TTF2: variants seen among roughly 807,000 people sequenced by gnomAD.
The protein encoded by TTF2 is RNA polymerase II termination factor.
Under a neutral mutation model 142.4 loss-of-function variants are expected in TTF2, and 108 were observed. That is an observed-to-expected ratio of 0.76 (90% CI 0.65 to 0.89). The LOEUF (loss-of-function observed/expected upper bound fraction) is 0.89. TTF2 is among the 40% of genes least tolerant of loss of function. TTF2 has a pLI of 0.00. For missense variants in TTF2, 1,327 were observed against 1,379.8 expected (o/e 0.96, Z 0.61); for synonymous variants, 483 against 506.2 (o/e 0.95, Z 0.61).
Position 117,073,571 on chromosome 1 carries a change from G to T in TTF2, c.219-90G>T, listed in dbSNP as rs537997203. The T allele has an allele frequency of 2.6e-4, 337 of 1,299,376 alleles. No homozygotes were observed. The African/African-American group carries it at 3.5e-3, about 13-fold the overall frequency. The allele number at this position is 1,299,376 out of a possible 1,614,324, so 80.5% of individuals were successfully genotyped here. A position where few individuals can be genotyped will look rare whatever the true frequency, so the allele number is the denominator to read the frequency against. On this transcript the variant is annotated intron_variant, in intron 3 of 22. Transcript: ENST00000369466. The surrounding 1 kb of genome is among the most constrained non-coding windows in gnomAD (Gnocchi z 4.4). ...CTCCCAAAGCCAGGTTCAAATAGTTGCAAGATGTTTTCTTGGATTAAAAAT... is the reference window on the plus strand; with the variant it reads ...CTCCCAAAGCCAGGTTCAAATAGTTTCAAGATGTTTTCTTGGATTAAAAAT...
chr1:117,075,416 G>A lies in TTF2; in HGVS notation c.832G>A (p.Gly278Arg). 1.2e-6 allele frequency: 2 copies of A among 1,614,146 alleles called. No homozygotes were observed. Among genetic ancestry groups the A allele is most frequent in the Non-Finnish European group, 8.5e-7 (1 of 1,179,988 alleles). ...SHNSISKPQK[G>R]GPLNKEYTNW... Reference sequence around the variant, plus strand: ...CAACTCAATAAGCAAGCCCCAGAAAGGGGGACCCCTCAACAAGGAGTACAC... The same window carrying A: ...CAACTCAATAAGCAAGCCCCAGAAAAGGGGACCCCTCAACAAGGAGTACAC... The change falls in exon 5 of 23, where the codon GGG becomes AGG. Residue 278 changes from glycine (G) to arginine (R), a missense_variant. Transcript: ENST00000369466. This position sits in a 1 kb window ranked among gnomAD's most constrained non-coding sequence, Gnocchi z 4.5.
intron 18 of TTF2, chr1:117,094,616 G>C (rs1422946408): frequency 2.1e-6 from 1 of 475,854 alleles, no homozygotes; most frequent in Admixed American, 2.3e-5. Flanking sequence ...AGTGGGTAAA[G>C]CTCTTTCACT....
In TTF2 at chr1:117,090,727, G is replaced by T; in HGVS notation, c.2588+104G>T. On this transcript the variant is annotated intron_variant, in intron 15 of 22. Coordinates refer to ENST00000369466, the MANE Select transcript of TTF2 (RefSeq NM_003594.4). The surrounding 1 kb of genome is among the most constrained non-coding windows in gnomAD (Gnocchi z 4.8). ...TTTCCACAAACTTTATGGCATTATT[G>T]ATTAGTTGGATGTCTGTATTCCCTT... 1.1e-6 allele frequency: 1 copy of T among 902,908 alleles called. No homozygotes were observed. The highest frequency in any genetic ancestry group is 2.6e-5 in the East Asian group (1 of 38,192). 55.9% of individuals were successfully genotyped at this position (902,908 alleles called of 1,614,324 possible).
In TTF2 at chr1:117,076,580, A is replaced by G. The variant is rs1377030476; in HGVS notation, c.1391-61A>G. On this transcript the variant is annotated intron_variant, in intron 6 of 22. Transcript: ENST00000369466. This position sits in a 1 kb window ranked among gnomAD's most constrained non-coding sequence, Gnocchi z 4.6. ...CTCTCTCTTGACCTCACCTCCACAC[A>G]TATGGTCCCTTCACTTAGTTTGCTG... The G allele has an allele frequency of 4.6e-6, 7 of 1,531,176 alleles. No homozygotes were observed. The highest frequency in any genetic ancestry group is 4.5e-5 in the East Asian group (2 of 44,308). 94.8% of individuals were successfully genotyped at this position (1,531,176 alleles called of 1,614,324 possible).
chr1:117,065,801 A>G (rs1656051209), intron 3 of TTF2, among the ~76,000 whole-genome samples: 3 of 151,904 alleles, frequency 2.0e-5, no homozygotes, highest in African/African-American at 7.3e-5. Flanking sequence ...ACTGATACTT[A>G]AAACCATTTA....
chr1:117,074,211 G>A (rs1415164287), intron 4 of TTF2, among the ~76,000 whole-genome samples: 3 of 152,158 alleles, frequency 2.0e-5, no homozygotes, highest in South Asian at 4.1e-4. Flanking sequence ...TTGAACTTAC[G>A]ATTCTAGATT....
intron 12 of TTF2, among the ~76,000 whole-genome samples, chr1:117,088,271 C>T (rs148555409): frequency 3.7e-4 from 57 of 152,296 alleles, no homozygotes; most frequent in Non-Finnish European, 7.8e-4. Flanking sequence ...GGCGCGGTGG[C>T]TCATGCCTGT....
At chr1:117,091,465 T>G in intron 16 of TTF2, 55 bp downstream of exon 16, 1 of 1,539,232 alleles carries the variant, frequency 6.5e-7, no homozygotes, top group African/African-American at 1.4e-5. Flanking sequence ...GGGATTTGGA[T>G]TCAGTAAAAC....
In TTF2 at chr1:117,073,575, G is replaced by A. The variant is rs1656758569; in HGVS notation, c.219-86G>A. ...CAAAGCCAGGTTCAAATAGTTGCAA[G>A]ATGTTTTCTTGGATTAAAAATAAGC... On this transcript the variant is annotated intron_variant, in intron 3 of 22. Transcript: ENST00000369466. This position sits in a 1 kb window ranked among gnomAD's most constrained non-coding sequence, Gnocchi z 4.4. The A allele has an allele frequency of 3.0e-6, 4 of 1,334,592 alleles. No individual in the cohort carries two copies. Among genetic ancestry groups the A allele is most frequent in the Non-Finnish European group, 4.1e-6 (4 of 973,654 alleles). 82.7% of individuals were successfully genotyped at this position (1,334,592 alleles called of 1,614,324 possible). A position where few individuals can be genotyped will look rare whatever the true frequency, so the allele number is the denominator to read the frequency against.
At chr1:117,072,314 T>C (rs573786853) in intron 3 of TTF2, among the ~76,000 whole-genome samples, 5 of 152,218 alleles carry the variant, frequency 3.3e-5, no homozygotes, top group South Asian at 4.1e-4. Flanking sequence ...TTGTTCTATA[T>C]GTATCCTATC....
At position 117,070,953 on chromosome 1, in the gene TTF2, A is replaced by C. The variant is rs1201487699; in HGVS notation, c.219-2708A>C. On this transcript the variant is annotated intron_variant, in intron 3 of 22. Transcript: ENST00000369466. This position sits in a 1 kb window ranked among gnomAD's most constrained non-coding sequence, Gnocchi z 4.2. ...ATTAGGATGCAGACTGTTGTGATTC[A>C]TGTTGTACATCATGGGACTAATTTA... Among the ~76,000 whole-genome samples, 1 of 152,184 alleles carries C rather than the reference A, an allele frequency of 6.6e-6. No homozygotes were observed. Among genetic ancestry groups the C allele is most frequent in the Non-Finnish European group, 1.5e-5 (1 of 68,036 alleles).
rs758808070 is a variant in TTF2, at chr1:117,097,307, G to C, written c.3187-44G>C. On this transcript the variant is annotated intron_variant, in intron 20 of 22. Coordinates refer to ENST00000369466, the MANE Select transcript of TTF2 (RefSeq NM_003594.4). This position sits in a 1 kb window ranked among gnomAD's most constrained non-coding sequence, Gnocchi z 4.1. ...TAAACCTGAGACCGAGATGTGTTAC[G>C]AGACCAAGTCTGTTTAAAGTTAATG... 1 of 1,575,708 alleles carries C rather than the reference G, an allele frequency of 6.3e-7. No homozygotes were observed. The highest frequency in any genetic ancestry group is 1.3e-5 in the African/African-American group (1 of 74,138).
In TTF2 at chr1:117,088,793, T is replaced by A. The variant is rs780574312; in HGVS notation, c.2161-8T>A. ...ATTGTGGCTGGATTTCACTTGTGAT[T>A]CTTCCAGGGCACCTCAACACCTTTG... is the stretch of plus-strand genomic sequence containing the variant. On this transcript the variant is annotated splice_region_variant and splice_polypyrimidine_tract_variant and intron_variant, in intron 12 of 22. Coordinates refer to ENST00000369466, the MANE Select transcript of TTF2 (RefSeq NM_003594.4). 2.6e-5 allele frequency: 42 copies of A among 1,611,158 alleles called. No homozygotes were observed. The highest frequency in any genetic ancestry group is 1.6e-4 in the Middle Eastern group (1 of 6,072).
In TTF2 at chr1:117,091,848, A is replaced by G. The variant is rs1570867876; in HGVS notation, c.2703A>G (p.Arg901=). Residue 901 remains arginine (R), a synonymous_variant, in exon 17 of 23, where the codon AGA becomes AGG. Coordinates refer to ENST00000369466, the MANE Select transcript of TTF2 (RefSeq NM_003594.4). The stretch of plus-strand genomic sequence containing the variant: ...TGGAGTTTGGGTCTGAGGAGCCTAG[A>G]CACTCGGAGGCAGCAGACTCACCGA... ...VALEFGSEEP[R]HSEAADSPRS... 6.2e-7 allele frequency: 1 copy of G among 1,613,254 alleles called. No homozygotes were observed. Among genetic ancestry groups the G allele is most frequent in the Non-Finnish European group, 8.5e-7 (1 of 1,179,772 alleles).
chr1:117,067,758 C>A (rs1656263301), intron 3 of TTF2, among the ~76,000 whole-genome samples: 1 of 152,082 alleles, frequency 6.6e-6, no homozygotes, highest in Non-Finnish European at 1.5e-5. Flanking sequence ...GAGAGTACAG[C>A]CTTTCCCTCA....
At position 117,076,208 on chromosome 1, in the gene TTF2, C is replaced by G; in HGVS notation, c.1304C>G (p.Ala435Gly). ...ACACTGGCATCAGTGAACATCCAGGCTCTTCCAGACAAGGGTCAGAAGTTG... is the reference window on the plus strand; with the variant it reads ...ACACTGGCATCAGTGAACATCCAGGGTCTTCCAGACAAGGGTCAGAAGTTG... ...KSTLASVNIQ[A>G]LPDKGQKLIK... The change falls in exon 6 of 23, where the codon GCT (alanine) becomes GGT (glycine). Residue 435 changes from alanine (A) to glycine (G), a missense_variant. Ala to Gly is a moderately conservative substitution (Grantham distance 60). Coordinates refer to ENST00000369466, the MANE Select transcript of TTF2 (RefSeq NM_003594.4). The surrounding 1 kb of genome is among the most constrained non-coding windows in gnomAD (Gnocchi z 4.6). 1.2e-6 allele frequency: 2 copies of G among 1,613,950 alleles called. No individual in the cohort carries two copies. The highest frequency in any genetic ancestry group is 1.7e-6 in the Non-Finnish European group (2 of 1,179,858).
At chr1:117,096,824 T>C (rs2101211886) in intron 20 of TTF2, among the ~76,000 whole-genome samples, 1 of 152,330 alleles carries the variant, frequency 6.6e-6, no homozygotes, top group Admixed American at 6.5e-5. Flanking sequence ...TAAAAGGAGA[T>C]TAACAGCAGA....
Position 117,077,914 on chromosome 1 carries a change from AG to A in TTF2, c.1574del, listed in dbSNP as rs2101040706. On this transcript the variant is annotated splice_acceptor_variant, in intron 7 of 22. Transcript: ENST00000369466. LOFTEE classifies it high-confidence loss of function. ...TTTTAGGTAACACCTATTTGTATGC[AG>A]GCCATACAAACCAAGATCACGTTCA... is the stretch of plus-strand genomic sequence containing the variant. 2.5e-6 allele frequency: 4 copies of A among 1,614,122 alleles called. No individual in the cohort carries two copies. Among genetic ancestry groups the A allele is most frequent in the Non-Finnish European group, 3.4e-6 (4 of 1,179,968 alleles).
intron 1 of TTF2, 22 bp downstream of exon 1, chr1:117,060,396 G>C: frequency 6.2e-7 from 1 of 1,608,062 alleles, no homozygotes. Context: ...GGGTCTCAGC[G>C]TCCCGGGGCC....
Sources: allele counts gnomAD v4.1 joint callset (sites outside exome capture counted in the v4.1 genomes callset), GRCh38; gene constraint gnomAD v4.1.1; non-coding constraint Gnocchi (gnomAD v3.1); transcripts MANE v1.5; gene names NCBI Gene and HGNC (gene_info 2026-07-23, HGNC 2026-07-21).